S100PBP: variants seen among roughly 807,000 people sequenced by gnomAD.
S100PBP encodes the protein S100P binding protein, also known as S100P-binding protein.
In S100PBP, 15 loss-of-function variants were observed where a neutral mutation model predicts 39.9. The observed-to-expected ratio is 0.38, with a 90% CI of 0.25 to 0.58. The LOEUF (loss-of-function observed/expected upper bound fraction) is 0.58, where lower values mean the gene tolerates loss of function less well. Among genes scored for constraint, S100PBP ranks in the 20% least tolerant of loss-of-function variants. S100PBP has a pLI of 0.70. For missense variants in S100PBP, 504 were observed against 487.3 expected (o/e 1.03, Z -0.32); for synonymous variants, 178 against 180.3 (o/e 0.99, Z 0.10).
chr1:32,845,627 G>C (rs1640332291), intron 5 of S100PBP, among the ~76,000 whole-genome samples: 1 of 151,420 alleles, frequency 6.6e-6, no homozygotes, highest in Non-Finnish European at 1.5e-5. Context: ...TAAGCCATAG[G>C]CTCCCCTTTA....
In S100PBP at chr1:32,856,012, C is replaced by T. The variant is rs1296177957; in HGVS notation, c.1201C>T (p.Arg401Cys). 1.6e-5 allele frequency: 25 copies of T among 1,612,640 alleles called. No homozygotes were observed. The highest frequency in any genetic ancestry group is 2.2e-5 in the East Asian group (1 of 44,848). Residue 401 changes from arginine to cysteine, a missense_variant, in exon 7 of 7, where the codon CGT (arginine) becomes TGT (cysteine). Transcript: ENST00000373475. ...RNMRSHHRFQ[R>C]LPDFSYS is the part of the protein sequence containing the mutation. The stretch of plus-strand genomic sequence containing the variant: ...CATGCGAAGCCACCATCGGTTCCAG[C>T]GTCTCCCAGACTTCTCGTACAGTTA...
At chr1:32,821,263 T>C (rs1435767046) in intron 1 of S100PBP, among the ~76,000 whole-genome samples, 1 of 152,142 alleles carries the variant, frequency 6.6e-6, no homozygotes, top group Non-Finnish European at 1.5e-5. Flanking sequence ...CGGCCTTTCA[T>C]GCATATTTTA....
At chr1:32,817,258 C>G, upstream of S100PBP, 1 of 1,613,908 alleles carries the variant, frequency 6.2e-7, no homozygotes, top group Non-Finnish European at 8.5e-7. Flanking sequence ...TCCGCTACCC[C>G]TGCTTCCCCC....
chr1:32,817,174 C>T (rs72654020), upstream of S100PBP: 2 of 1,613,814 alleles, frequency 1.2e-6, no homozygotes, highest in Admixed American at 3.3e-5. Flanking sequence ...GCATTTCCAA[C>T]CCCCAGGCCT....
At chr1:32,817,104 C>T, upstream of S100PBP, 1 of 1,564,920 alleles carries the variant, frequency 6.4e-7, no homozygotes, top group Admixed American at 1.7e-5. Context: ...GCCCCACATA[C>T]TTAGAACCCC....
intron 5 of S100PBP, among the ~76,000 whole-genome samples, chr1:32,845,779 G>A (rs772057886): frequency 4.0e-5 from 6 of 150,998 alleles, no homozygotes; most frequent in South Asian, 4.2e-4. Context: ...TCCCGGGCTC[G>A]TGATCTTCCT....
intron 5 of S100PBP, among the ~76,000 whole-genome samples, chr1:32,848,017 G>A (rs1377587342): frequency 2.0e-5 from 3 of 152,126 alleles, no homozygotes; most frequent in East Asian, 1.9e-4. Context: ...CGTCAGAAAT[G>A]TGTGCCTCTA....
At chr1:32,826,999 C>T in intron 3 of S100PBP, 69 bp downstream of exon 3, 5 of 1,047,472 alleles carry the variant, frequency 4.8e-6, no homozygotes, top group Non-Finnish European at 5.5e-6. Flanking sequence ...AGCAGAGTTT[C>T]CATATACCTG....
At chr1:32,844,827 A>C (rs905495209) in intron 5 of S100PBP, among the ~76,000 whole-genome samples, 4 of 150,572 alleles carry the variant, frequency 2.7e-5, no homozygotes, top group Non-Finnish European at 4.4e-5. Flanking sequence ...CTATATATCT[A>C]TATATATATA....
At chr1:32,819,265 C>T (rs1241499896) in intron 1 of S100PBP, among the ~76,000 whole-genome samples, 1 of 152,102 alleles carries the variant, frequency 6.6e-6, no homozygotes, top group Non-Finnish European at 1.5e-5. Flanking sequence ...AAATATTCTT[C>T]CCTTAAAAAT....
At chr1:32,821,383 G>A (rs540685140) in intron 1 of S100PBP, among the ~76,000 whole-genome samples, 13 of 152,128 alleles carry the variant, frequency 8.5e-5, no homozygotes, top group South Asian at 4.1e-4. Context: ...GTGCAGTGGC[G>A]CGGTCTGGGC....
chr1:32,821,291 G>C (rs1045290313), intron 1 of S100PBP, among the ~76,000 whole-genome samples: 1 of 151,972 alleles, frequency 6.6e-6, no homozygotes, highest in African/African-American at 2.4e-5. Context: ...TGTGATATAT[G>C]TATCCATACA....
chr1:32,834,839 C>A (rs922546587), intron 5 of S100PBP: 1 of 152,132 alleles, frequency 6.6e-6, no homozygotes, highest in African/African-American at 2.4e-5. Flanking sequence ...CTGGGAGTTA[C>A]ATAGAAAATG....
chr1:32,816,982 G>A, upstream of S100PBP: 3 of 651,648 alleles, frequency 4.6e-6, no homozygotes, highest in South Asian at 5.3e-5. Flanking sequence ...GGACGCAAGA[G>A]GTGAGCCCAC....
intron 1 of S100PBP, among the ~76,000 whole-genome samples, chr1:32,821,190 A>G (rs1419702734): frequency 6.6e-6 from 1 of 152,144 alleles, no homozygotes; most frequent in African/African-American, 2.4e-5. Context: ...CTGTAATCCC[A>G]GCACTTTGGG....
At chr1:32,818,889 CA>C (rs1172699370) in intron 1 of S100PBP, 2 of 152,260 alleles carry the variant, frequency 1.3e-5, no homozygotes, top group African/African-American at 4.8e-5. Context: ...AATCAAAGGC[CA>C]GGGGGAAGTC....
intron 5 of S100PBP, among the ~76,000 whole-genome samples, chr1:32,832,858 GGTTA>G (rs778176870): frequency 6.6e-6 from 1 of 151,956 alleles, no homozygotes; most frequent in Non-Finnish European, 1.5e-5. Flanking sequence ...CTCTCCATTG[GGTTA>G]GTTATCTCTT....
chr1:32,852,709 C>T, intron 5 of S100PBP: 2 of 180,620 alleles, frequency 1.1e-5, no homozygotes, highest in Non-Finnish European at 1.2e-5. Flanking sequence ...CCCCCAGTCT[C>T]TATAGCAGTC....
In S100PBP at chr1:32,856,917, T is replaced by G. The variant is rs1640835674; in HGVS notation, c.*879T>G. 2.0e-5 allele frequency: 3 copies of G among 152,216 alleles called. No homozygotes were observed. The highest frequency in any genetic ancestry group is 4.1e-4 in the South Asian group (2 of 4,828). 9.4% of individuals were successfully genotyped at this position (152,216 alleles called of 1,614,324 possible). ...ACCTGTTAGACGTGGATATACCTCT[T>G]CAGGATGGCCTCCTTGCTGTCTTTA... On this transcript the variant is annotated 3_prime_UTR_variant, in exon 7 of 7. Coordinates refer to ENST00000373475, the MANE Select transcript of S100PBP (RefSeq NM_022753.4).
Sources: gnomAD v4.1 joint callset for allele counts (sites outside exome capture counted in the v4.1 genomes callset) on GRCh38, gnomAD v4.1.1 for gene constraint, MANE v1.5 for transcripts, NCBI Gene and HGNC (gene_info 2026-07-23, HGNC 2026-07-21) for gene names.